The following STXBP6 variants were observed in gnomAD, a reference collection of about 807,000 sequenced individuals.
STXBP6 encodes syntaxin binding protein 6.
STXBP6 carries 21 observed loss-of-function variants against 26.9 expected under a neutral mutation model. That is an observed-to-expected ratio of 0.78 (90% CI 0.55 to 1.12). The LOEUF (loss-of-function observed/expected upper bound fraction) is 1.12. Ranked by LOEUF, STXBP6 falls within the 50% of genes most tolerant of loss-of-function variation. The probability of loss-of-function intolerance (pLI) is 0.00; values close to 1 mark genes in which losing one functional copy is unlikely to be tolerated. For missense variants in STXBP6, 232 were observed against 257.9 expected, an observed-to-expected ratio of 0.90 and a Z score of 0.69; for synonymous variants, 97 against 92.6, an observed-to-expected ratio of 1.05 and a Z score of -0.27.
At chr14:24,912,820 A>T (rs566461188) in intron 2 of STXBP6, among the ~76,000 whole-genome samples, 96 of 152,248 alleles carry the variant, frequency 6.3e-4, no homozygotes, top group African/African-American at 1.3e-3. Context: ...ACTACTTTTT[A>T]AAAAAATGTG....
intron 1 of STXBP6, chr14:24,995,131 G>A (rs1397254871): frequency 6.6e-6 from 1 of 152,216 alleles, no homozygotes; most frequent in South Asian, 2.1e-4. Flanking sequence ...GGCATCAGCA[G>A]ATTTGCTGTC....
chr14:24,963,970 T>TAAA (rs768793147), intron 2 of STXBP6, among the ~76,000 whole-genome samples: 25 of 64,636 alleles, frequency 3.9e-4, no homozygotes, highest in African/African-American at 7.7e-4. Flanking sequence ...AGCAAGTTTC[T>TAAA]AAAAAAAAAA....
At chr14:24,848,438 C>A (rs1006978132) in intron 4 of STXBP6, among the ~76,000 whole-genome samples, 1 of 152,070 alleles carries the variant, frequency 6.6e-6, no homozygotes, top group Admixed American at 6.6e-5. Flanking sequence ...AAAATAGGAA[C>A]GGCTCTTATC....
intron 2 of STXBP6, among the ~76,000 whole-genome samples, chr14:24,918,193 C>T (rs1045196515): frequency 6.6e-6 from 1 of 151,738 alleles, no homozygotes; most frequent in African/African-American, 2.4e-5. Flanking sequence ...AATAGGATAG[C>T]AGTGATGTAC....
intron 1 of STXBP6, among the ~76,000 whole-genome samples, chr14:25,042,275 CA>C (rs1473694396): frequency 6.7e-6 from 1 of 149,814 alleles, no homozygotes; most frequent in Non-Finnish European, 1.5e-5. Context: ...CTTCATCTTA[CA>C]GCTCATAATG....
At chr14:24,918,701 T>C (rs1415841603) in intron 2 of STXBP6, among the ~76,000 whole-genome samples, 6 of 152,052 alleles carry the variant, frequency 3.9e-5, no homozygotes, top group Admixed American at 1.3e-4. Context: ...TTCTCCCTTA[T>C]TACGGCAGTT....
intron 1 of STXBP6, chr14:24,987,883 TACTC>T: frequency 1.0e-6 from 1 of 985,388 alleles, no homozygotes; most frequent in Non-Finnish European, 1.2e-6. Flanking sequence ...GATACACACT[TACTC>T]ATTCAATATC....
chr14:24,930,458 T>C (rs531852644), intron 2 of STXBP6, among the ~76,000 whole-genome samples: 1 of 152,330 alleles, frequency 6.6e-6, no homozygotes, highest in Admixed American at 6.5e-5. Flanking sequence ...AATTCTTTTA[T>C]GGTGACCTGT....
intron 4 of STXBP6, among the ~76,000 whole-genome samples, chr14:24,827,623 A>G (rs1472465111): frequency 1.3e-5 from 2 of 152,262 alleles, no homozygotes; most frequent in East Asian, 3.9e-4. Context: ...AGCCCTCCAC[A>G]TTATTTCTAG....
At chr14:24,852,375 CT>C (rs1227039778) in intron 4 of STXBP6, among the ~76,000 whole-genome samples, 1 of 152,130 alleles carries the variant, frequency 6.6e-6, no homozygotes, top group East Asian at 1.9e-4. Context: ...CACGTCTACG[CT>C]TTGTAACACT....
chr14:24,831,930 G>A (rs145216773), intron 4 of STXBP6, among the ~76,000 whole-genome samples: 66 of 152,256 alleles, frequency 4.3e-4, no homozygotes, highest in African/African-American at 1.5e-3. Context: ...GGTCACACCC[G>A]AGGTAACAGA....
At chr14:24,990,270 G>A (rs1234085456) in intron 1 of STXBP6, among the ~76,000 whole-genome samples, 2 of 152,146 alleles carry the variant, frequency 1.3e-5, no homozygotes, top group African/African-American at 4.8e-5. Context: ...CACCACATGG[G>A]TATGCTTCCC....
At chr14:24,904,081 A>G (rs2071303639) in intron 2 of STXBP6, among the ~76,000 whole-genome samples, 1 of 152,170 alleles carries the variant, frequency 6.6e-6, no homozygotes, top group Admixed American at 6.5e-5. Context: ...TTCAGGGTAT[A>G]GGCAAAGATG....
At chr14:24,903,377 G>A (rs1260050647) in intron 2 of STXBP6, among the ~76,000 whole-genome samples, 2 of 152,102 alleles carry the variant, frequency 1.3e-5, no homozygotes, top group Non-Finnish European at 2.9e-5. Flanking sequence ...CCAAGTACTT[G>A]GTCATTGTCT....
At chr14:24,901,092 C>T (rs1244357524) in intron 2 of STXBP6, among the ~76,000 whole-genome samples, 1 of 151,714 alleles carries the variant, frequency 6.6e-6, no homozygotes, top group East Asian at 1.9e-4. Context: ...TTTCTAGTCT[C>T]ATTTAAAATA....
At chr14:24,853,550 G>A (rs1381319) in intron 4 of STXBP6, among the ~76,000 whole-genome samples, 19,642 of 151,950 alleles carry the variant, frequency 0.13, 1,392 homozygotes, top group African/African-American at 0.18. Context: ...TATAATTTAG[G>A]AATTACAGAC....
chr14:24,927,417 GA>G (rs1332551747), intron 2 of STXBP6, among the ~76,000 whole-genome samples: 1 of 152,094 alleles, frequency 6.6e-6, no homozygotes, highest in Non-Finnish European at 1.5e-5. Context: ...GAGTGAAGTG[GA>G]AAAAGCAACA....
intron 4 of STXBP6, among the ~76,000 whole-genome samples, chr14:24,853,444 T>G (rs1026112876): frequency 1.3e-5 from 2 of 152,178 alleles, no homozygotes; most frequent in African/African-American, 4.8e-5. Context: ...TTTAAACCTT[T>G]TTGTGCCTTC....
intron 2 of STXBP6, among the ~76,000 whole-genome samples, chr14:24,874,600 G>A (rs138038413): frequency 1.3e-5 from 2 of 152,220 alleles, no homozygotes; most frequent in African/African-American, 2.4e-5. Context: ...AGAAAGCTAG[G>A]ATGGTCCATG....
Sources: allele counts gnomAD v4.1 joint callset (sites outside exome capture counted in the v4.1 genomes callset), GRCh38; gene constraint gnomAD v4.1.1; transcripts MANE v1.5; gene names NCBI Gene and HGNC (gene_info 2026-07-23, HGNC 2026-07-21).